Variants in UBE2E3 observed in about 807,000 individuals in gnomAD.
The protein encoded by UBE2E3 is ubiquitin conjugating enzyme E2 E3, also known as ubiquitin-conjugating enzyme E2 E3.
In UBE2E3, 5 loss-of-function variants were observed where a neutral mutation model predicts 23.6. That is an observed-to-expected ratio of 0.21 (90% CI 0.11 to 0.44). The LOEUF is 0.44. Among genes scored for constraint, UBE2E3 ranks in the 20% least tolerant of loss-of-function variants. The pLI, the probability that UBE2E3 is intolerant of heterozygous loss-of-function variation, is 0.99. For synonymous variants in UBE2E3, 78 were observed against 87.5 expected, an observed-to-expected ratio of 0.89 and a Z score of 0.60; for missense variants, 81 against 249.8, an observed-to-expected ratio of 0.32 and a Z score of 4.55.
intron 3 of UBE2E3, among the ~76,000 whole-genome samples, chr2:181,030,496 G>C (rs1686041983): frequency 6.6e-6 from 1 of 151,838 alleles, no homozygotes; most frequent in South Asian, 2.1e-4. Context: ...GTTACTAAGA[G>C]TCTTACATGT....
Position 181,019,017 on chromosome 2 carries a change from G to A in UBE2E3, c.245+34924G>A, listed in dbSNP as rs1685587804. 1.3e-5 allele frequency among the ~76,000 whole-genome samples: 2 copies of A among 152,120 alleles called. 1 individual carries two copies. Among genetic ancestry groups the A allele is most frequent in the Non-Finnish European group, 2.9e-5 (2 of 68,024 alleles). On this transcript the variant is annotated intron_variant, in intron 3 of 5. Coordinates refer to ENST00000410062, the MANE Select transcript of UBE2E3 (RefSeq NM_006357.4). The stretch of plus-strand genomic sequence containing the variant: ...TTGCTCTTGTCGCCCAGGCTGGAGG[G>A]CAGTGGTGTGATCTCTGCTCACTGC...
In UBE2E3 at chr2:181,028,134, GC is replaced by G. The variant is rs539617382; in HGVS notation, c.246-29558del. Among the ~76,000 whole-genome samples the G allele has an allele frequency of 1.6e-3, 243 of 151,960 alleles. 2 individuals are homozygous for G. The highest frequency in any genetic ancestry group is 0.016 in the Admixed American group (240 of 15,272). ...AACGGCATATATTGTTTAATTTTGA[GC>G]ACTATACATTACATAATGTAATTAC... On this transcript the variant is annotated intron_variant, in intron 3 of 5. Transcript: ENST00000410062.
At chr2:181,050,534 A>G (rs1686813165) in intron 3 of UBE2E3, among the ~76,000 whole-genome samples, 1 of 151,944 alleles carries the variant, frequency 6.6e-6, no homozygotes, top group South Asian at 2.1e-4. Context: ...AGTAGAAGCC[A>G]TTACAGAATC....
At chr2:181,043,222 G>A (rs185441058) in intron 3 of UBE2E3, among the ~76,000 whole-genome samples, 1 of 152,158 alleles carries the variant, frequency 6.6e-6, no homozygotes, top group Admixed American at 6.5e-5. Flanking sequence ...TTGTATCCAT[G>A]GTATGTTCTA....
At chr2:181,029,567 T>A (rs1433858744) in intron 3 of UBE2E3, among the ~76,000 whole-genome samples, 4 of 151,956 alleles carry the variant, frequency 2.6e-5, no homozygotes, top group African/African-American at 9.7e-5. Flanking sequence ...TCTAAAAACT[T>A]GTTTTTTATC....
chr2:181,026,696 C>T (rs1180977922), intron 3 of UBE2E3, among the ~76,000 whole-genome samples: 1 of 151,758 alleles, frequency 6.6e-6, no homozygotes, highest in African/African-American at 2.4e-5. Context: ...TCCGCCATTA[C>T]TTCAGGTAGA....
At chr2:180,981,983 A>T (rs781211780) in intron 1 of UBE2E3, 35 bp from the exon 2 acceptor site, 27 of 1,460,996 alleles carry the variant, frequency 1.8e-5, no homozygotes, top group Non-Finnish European at 2.3e-5. Flanking sequence ...TAGATTTAAC[A>T]TTTTCTCCTC....
At chr2:181,043,023 G>C (rs1207170264) in intron 3 of UBE2E3, among the ~76,000 whole-genome samples, 1 of 152,132 alleles carries the variant, frequency 6.6e-6, no homozygotes, top group African/African-American at 2.4e-5. Context: ...GGTGAGCAAG[G>C]AAGCTTAAAA....
intron 3 of UBE2E3, among the ~76,000 whole-genome samples, chr2:181,023,962 A>G (rs1206827668): frequency 6.6e-6 from 1 of 152,090 alleles, no homozygotes; most frequent in East Asian, 1.9e-4. Flanking sequence ...CCTTACTGTC[A>G]CAAGTGATAA....
chr2:181,053,708 A>G (rs894448514), intron 3 of UBE2E3, among the ~76,000 whole-genome samples: 1 of 151,788 alleles, frequency 6.6e-6, no homozygotes, highest in Non-Finnish European at 1.5e-5. Context: ...CATCATTATC[A>G]TGCAAAGTCC....
chr2:181,015,543 A>T (rs1685459492), intron 3 of UBE2E3, among the ~76,000 whole-genome samples: 1 of 152,210 alleles, frequency 6.6e-6, no homozygotes, highest in Admixed American at 6.5e-5. Flanking sequence ...GAAATGCAGT[A>T]TTAAAAGACA....
chr2:181,056,506 C>A (rs1410902168), intron 3 of UBE2E3, among the ~76,000 whole-genome samples: 1 of 151,618 alleles, frequency 6.6e-6, no homozygotes, highest in African/African-American at 2.4e-5. Flanking sequence ...AGAGAGAAAC[C>A]AAGGAAAGCC....
chr2:180,996,349 C>A (rs1684820138), intron 3 of UBE2E3, among the ~76,000 whole-genome samples: 1 of 152,122 alleles, frequency 6.6e-6, no homozygotes, highest in African/African-American at 2.4e-5. Context: ...ACTGAGAGAT[C>A]TTTATTATAA....
chr2:180,981,166 C>G (rs1444981754), intron 1 of UBE2E3, 193 bp downstream of exon 1: 3 of 148,802 alleles, frequency 2.0e-5, no homozygotes, highest in Non-Finnish European at 4.5e-5. Flanking sequence ...GCGGCCCCCG[C>G]GCGGCCCTCC....
intron 3 of UBE2E3, chr2:180,987,510 G>C: frequency 8.3e-7 from 1 of 1,205,644 alleles, no homozygotes; most frequent in Non-Finnish European, 1.1e-6. Context: ...AGATATTTGG[G>C]GGTATTTGTA....
rs112806294 is a variant in UBE2E3 at position 181,047,570 on chromosome 2, T to G, written c.246-10123T>G. On this transcript the variant is annotated intron_variant, in intron 3 of 5. Transcript: ENST00000410062. ...ATAGCAGTCTGAAAACTATAAGCTA[T>G]TCTCGAAACCCTCCTTTTCCTCACT... Among the ~76,000 whole-genome samples, 31 of 152,080 alleles carry G rather than the reference T, an allele frequency of 2.0e-4. 2 individuals are homozygous for G. The highest frequency in any genetic ancestry group is 7.0e-4 in the African/African-American group (29 of 41,396).
intron 3 of UBE2E3, among the ~76,000 whole-genome samples, chr2:181,039,928 C>G (rs1411872957): frequency 2.6e-5 from 4 of 152,018 alleles, no homozygotes; most frequent in Admixed American, 6.5e-5. Flanking sequence ...AGTTGTTAAA[C>G]TGTATTGGCT....
At chr2:180,991,487 G>A (rs1684657777) in intron 3 of UBE2E3, among the ~76,000 whole-genome samples, 1 of 152,174 alleles carries the variant, frequency 6.6e-6, no homozygotes, top group Non-Finnish European at 1.5e-5. Context: ...GTCTATAACC[G>A]ATTTTGATAG....
rs555202434 is a variant in UBE2E3 at position 180,990,130 on chromosome 2, T to G, written c.245+6037T>G. On this transcript the variant is annotated intron_variant, in intron 3 of 5. Transcript: ENST00000410062. ...TTTTAACCTTTCTTTTGCCTTTTGA[T>G]CAGTGGTTCTCAACTGAGGCAATTT... 107 of 834,240 alleles carry G rather than the reference T, an allele frequency of 1.3e-4. No individual in the cohort carries two copies. The African/African-American group carries it at 1.6e-3, about 12-fold the overall frequency. 51.7% of individuals were successfully genotyped at this position (834,240 alleles called of 1,614,324 possible).
Sources: allele counts gnomAD v4.1 joint callset (sites outside exome capture counted in the v4.1 genomes callset), GRCh38; gene constraint gnomAD v4.1.1; transcripts MANE v1.5; gene names NCBI Gene and HGNC (gene_info 2026-07-23, HGNC 2026-07-21).